DAAM1: variants seen among roughly 807,000 people sequenced by gnomAD.
DAAM1 encodes disheveled-associated activator of morphogenesis 1.
DAAM1 carries 52 observed loss-of-function variants against 130.0 expected under a neutral mutation model. The observed-to-expected ratio is 0.40, with a 90% CI of 0.32 to 0.50. DAAM1 has a LOEUF of 0.50. DAAM1 is among the 20% of genes least tolerant of loss of function. The pLI is 0.61. For missense variants in DAAM1, 1,134 were observed against 1,303.8 expected (o/e 0.87, Z 2.01); for synonymous variants, 452 against 444.5 (o/e 1.02, Z -0.21).
intron 1 of DAAM1, among the ~76,000 whole-genome samples, chr14:59,247,244 C>G (rs1242239210): frequency 6.6e-6 from 1 of 152,110 alleles, no homozygotes; most frequent in African/African-American, 2.4e-5. Context: ...TTCCATTGGT[C>G]TCTATGTCTG....
chr14:59,364,264 T>G (rs1404409460), intron 23 of DAAM1, among the ~76,000 whole-genome samples: 1 of 152,198 alleles, frequency 6.6e-6, no homozygotes, highest in African/African-American at 2.4e-5. Flanking sequence ...GGATACTACC[T>G]GTATAAATCT....
Position 59,326,586 on chromosome 14 carries a change from C to T in DAAM1, c.1251C>T (p.Asp417=), listed in dbSNP as rs557818452. Reference sequence around the variant, plus strand: ...TACAGCAGATAGTTATCCAGAATGACAAAGGACAGGACCCTGACTCCACAC... The same window carrying T: ...TACAGCAGATAGTTATCCAGAATGATAAAGGACAGGACCCTGACTCCACAC... ...RIIQQIVIQN[D]KGQDPDSTPL... The change falls in exon 11 of 25, where the codon GAC becomes GAT. Residue 417 remains aspartate, a synonymous_variant. Coordinates refer to ENST00000360909, the MANE Select transcript of DAAM1 (RefSeq NM_001270520.2). The T allele has an allele frequency of 2.1e-4, 338 of 1,613,820 alleles. 7 individuals are homozygous for T. The South Asian group carries it at 3.4e-3, about 16-fold the overall frequency.
At chr14:59,292,812 G>A (rs1594804320) in intron 3 of DAAM1, among the ~76,000 whole-genome samples, 1 of 152,288 alleles carries the variant, frequency 6.6e-6, no homozygotes, top group South Asian at 2.1e-4. Context: ...TAATCCAGTA[G>A]TAACCAGTAA....
intron 16 of DAAM1, among the ~76,000 whole-genome samples, chr14:59,340,827 CT>C (rs1392655339): frequency 6.6e-6 from 1 of 152,138 alleles, no homozygotes. Flanking sequence ...TTTCAAATAG[CT>C]TTTCTGTATC....
At position 59,322,974 on chromosome 14, in the gene DAAM1, T is replaced by C; in HGVS notation, c.523T>C (p.Ser175Pro). 1 of 1,614,028 alleles carries C rather than the reference T, an allele frequency of 6.2e-7. No homozygotes were observed. Reference protein sequence around the residue: ...LKTMDYETSESRIHTSLIGCI... With the variant: ...LKTMDYETSEPRIHTSLIGCI... ...GACCATGGACTACGAGACCTCAGAG[T>C]CTCGAATACATACTTCTCTCATTGG... The change falls in exon 6 of 25, where the codon TCT (serine) becomes CCT (proline). Residue 175 changes from serine to proline, a missense_variant. Coordinates refer to ENST00000360909, the MANE Select transcript of DAAM1 (RefSeq NM_001270520.2).
At chr14:59,311,651 T>C (rs565301927) in intron 3 of DAAM1, among the ~76,000 whole-genome samples, 13 of 152,162 alleles carry the variant, frequency 8.5e-5, no homozygotes, top group Non-Finnish European at 1.6e-4. Context: ...GTGTAGTGTA[T>C]ACATATTTTT....
At chr14:59,215,086 T>G (rs914239672) in intron 1 of DAAM1, among the ~76,000 whole-genome samples, 6 of 152,210 alleles carry the variant, frequency 3.9e-5, no homozygotes, top group African/African-American at 1.4e-4. Context: ...ATGATAATTT[T>G]GGAGGAAATG....
Position 59,359,517 on chromosome 14 carries a change from A to G in DAAM1, c.2633+13A>G. On this transcript the variant is annotated intron_variant, in intron 21 of 24. Transcript: ENST00000360909. Reference sequence around the variant, plus strand: ...CTGCGAAAGTAAAGTAAGTACTTACAGTGAGTGTTAGTTTCTTAAATCACT... The same window carrying G: ...CTGCGAAAGTAAAGTAAGTACTTACGGTGAGTGTTAGTTTCTTAAATCACT... 2 of 1,588,366 alleles carry G rather than the reference A, an allele frequency of 1.3e-6. No individual in the cohort carries two copies. Among genetic ancestry groups the G allele is most frequent in the Non-Finnish European group, 8.6e-7 (1 of 1,157,156 alleles).
intron 16 of DAAM1, among the ~76,000 whole-genome samples, chr14:59,340,614 CT>C (rs1208496455): frequency 1.3e-5 from 2 of 152,160 alleles, no homozygotes; most frequent in African/African-American, 4.8e-5. Flanking sequence ...ATTTCATGTT[CT>C]TTTTGAGCAT....
intron 3 of DAAM1, among the ~76,000 whole-genome samples, chr14:59,311,605 T>C (rs1884598368): frequency 1.3e-5 from 2 of 151,794 alleles, no homozygotes; most frequent in Non-Finnish European, 2.9e-5. Flanking sequence ...GAGGTAGCCA[T>C]TGTTAAGTTT....
intron 2 of DAAM1, among the ~76,000 whole-genome samples, chr14:59,279,986 T>C (rs1883135229): frequency 1.3e-5 from 2 of 152,208 alleles, no homozygotes; most frequent in Non-Finnish European, 2.9e-5. Flanking sequence ...TGAAAAGTTA[T>C]ATTTAGCACC....
At chr14:59,288,177 C>T (rs1486354366) in intron 2 of DAAM1, among the ~76,000 whole-genome samples, 1 of 152,174 alleles carries the variant, frequency 6.6e-6, no homozygotes, top group Non-Finnish European at 1.5e-5. Context: ...AAAGAAAGGA[C>T]ATCCTATTCA....
In DAAM1 at chr14:59,347,533, C is replaced by G; in HGVS notation, c.2076-6C>G. Reference sequence around the variant, plus strand: ...TATGGTTAATAACAAAATATTCTTTCTCCAGGTTGAAATTATCCAATGACG... The same window carrying G: ...TATGGTTAATAACAAAATATTCTTTGTCCAGGTTGAAATTATCCAATGACG... On this transcript the variant is annotated splice_region_variant and splice_polypyrimidine_tract_variant and intron_variant, in intron 16 of 24. Transcript: ENST00000360909. 1.9e-6 allele frequency: 3 copies of G among 1,612,484 alleles called. No homozygotes were observed. The highest frequency in any genetic ancestry group is 2.5e-6 in the Non-Finnish European group (3 of 1,179,032).
At chr14:59,368,046 C>T (rs562081655) in intron 24 of DAAM1, among the ~76,000 whole-genome samples, 1 of 152,010 alleles carries the variant, frequency 6.6e-6, no homozygotes, top group East Asian at 1.9e-4. Flanking sequence ...AAATCTTTTT[C>T]TGTTTTGTTT....
At chr14:59,215,425 A>G (rs144011670) in intron 1 of DAAM1, among the ~76,000 whole-genome samples, 1 of 152,340 alleles carries the variant, frequency 6.6e-6, no homozygotes, top group East Asian at 1.9e-4. Context: ...TAAGAGCTGA[A>G]TCAAGGCTTG....
intron 1 of DAAM1, among the ~76,000 whole-genome samples, chr14:59,208,563 G>A (rs1888332172): frequency 6.6e-6 from 1 of 152,068 alleles, no homozygotes; most frequent in African/African-American, 2.4e-5. Context: ...GGTCCAGTGA[G>A]GGTTTTCATG....
chr14:59,192,534 C>T lies in DAAM1; in HGVS notation c.-38+3766C>T, dbSNP rs199544149. On this transcript the variant is annotated intron_variant, in intron 1 of 24. Coordinates refer to ENST00000360909, the MANE Select transcript of DAAM1 (RefSeq NM_001270520.2). ...AGTGTTAAGTCTATCCTTATATTGC[C>T]GGAAACAAAGCAAGGTGTCCAACTT... 3.9e-5 allele frequency among the ~76,000 whole-genome samples: 6 copies of T among 152,086 alleles called. No homozygotes were observed. In the East Asian group the frequency reaches 9.6e-4, roughly 24 times the overall value.
At chr14:59,325,401 A>G (rs943184665) in intron 8 of DAAM1, among the ~76,000 whole-genome samples, 5 of 152,102 alleles carry the variant, frequency 3.3e-5, no homozygotes, top group African/African-American at 1.2e-4. Flanking sequence ...TTGTTTTTAG[A>G]TTTAGTTTTA....
At chr14:59,353,512 T>C (rs1886364338) in intron 18 of DAAM1, among the ~76,000 whole-genome samples, 1 of 152,248 alleles carries the variant, frequency 6.6e-6, no homozygotes, top group Admixed American at 6.5e-5. Flanking sequence ...CTTTACATTT[T>C]CATTCCCTTT....
Sources: gnomAD v4.1 joint callset for allele counts (sites outside exome capture counted in the v4.1 genomes callset) on GRCh38, gnomAD v4.1.1 for gene constraint, MANE v1.5 for transcripts, NCBI Gene and HGNC (gene_info 2026-07-23, HGNC 2026-07-21) for gene names.